Variants in MYO16 observed in about 807,000 individuals in gnomAD.
The protein encoded by MYO16 is unconventional myosin-XVI.
MYO16 carries 94 observed loss-of-function variants against 205.3 expected under a neutral mutation model. The ratio of observed to expected loss-of-function variants is 0.46; its 90% CI spans 0.39 to 0.54. The LOEUF (loss-of-function observed/expected upper bound fraction) is 0.54, where lower values mean the gene tolerates loss of function less well. Among genes scored for constraint, MYO16 ranks in the 20% least tolerant of loss-of-function variants. The pLI, the probability that MYO16 is intolerant of heterozygous loss-of-function variation, is 0.00. For missense variants in MYO16, 2,315 were observed against 2,387.5 expected (o/e 0.97, Z 0.63); for synonymous variants, 988 against 954.0 (o/e 1.04, Z -0.66).
intron 15 of MYO16, among the ~76,000 whole-genome samples, chr13:108,898,725 C>T (rs1452280087): frequency 1.3e-5 from 2 of 151,934 alleles, no homozygotes; most frequent in African/African-American, 2.4e-5. Context: ...GACACTGTTT[C>T]GTATTTGATT....
chr13:108,682,405 C>T (rs952501848), intron 2 of MYO16, among the ~76,000 whole-genome samples: 3 of 151,676 alleles, frequency 2.0e-5, no homozygotes, highest in Non-Finnish European at 4.4e-5. Flanking sequence ...ACTTCAATCA[C>T]GGGCTGCATG....
the MYO16 span, among the ~76,000 whole-genome samples, chr13:108,506,760 G>A: frequency 6.6e-6 from 1 of 152,108 alleles, no homozygotes; most frequent in East Asian, 1.9e-4. Flanking sequence ...CCTTGTTCCT[G>A]ATCTCAAAGA....
intron 16 of MYO16, among the ~76,000 whole-genome samples, chr13:108,951,314 G>GA (rs1161685399): frequency 2.0e-5 from 3 of 152,204 alleles, no homozygotes; most frequent in Non-Finnish European, 2.9e-5. Flanking sequence ...TAGGGAGACA[G>GA]AAAAAATGCC....
intron 27 of MYO16, among the ~76,000 whole-genome samples, chr13:109,077,060 C>T (rs1035022393): frequency 1.3e-5 from 2 of 149,208 alleles, no homozygotes; most frequent in Admixed American, 1.4e-4. Flanking sequence ...TGCTTTGTCA[C>T]CCAGGCTGAA....
chr13:109,050,935 C>G (rs945319840), intron 24 of MYO16, among the ~76,000 whole-genome samples: 1 of 151,878 alleles, frequency 6.6e-6, no homozygotes. Context: ...TACCTTGCCT[C>G]AAATCTAGAA....
In MYO16 at chr13:108,893,691, A is replaced by G. The variant is rs146601666; in HGVS notation, c.1660-4325A>G. ...TGCTGATTAGAGACACGGTTTAGCC[A>G]TATTTGGTTGTGAGACTGCATTCTG... On this transcript the variant is annotated intron_variant, in intron 14 of 34. Coordinates refer to ENST00000457511, the MANE Select transcript of MYO16 (RefSeq NM_001198950.3). Among the ~76,000 whole-genome samples, 313 of 152,270 alleles carry G rather than the reference A, an allele frequency of 2.1e-3. 2 individuals are homozygous for G. The highest frequency in any genetic ancestry group is 7.3e-3 in the African/African-American group (302 of 41,568).
intron 34 of MYO16, among the ~76,000 whole-genome samples, chr13:109,184,777 T>C (rs1005226705): frequency 2.0e-5 from 3 of 151,966 alleles, no homozygotes; most frequent in East Asian, 1.9e-4. Context: ...TTTTCTTTTT[T>C]TTTTTGAAAT....
intron 28 of MYO16, among the ~76,000 whole-genome samples, chr13:109,113,340 AAAG>A (rs1875500148): frequency 3.4e-5 from 3 of 88,696 alleles, no homozygotes; most frequent in Non-Finnish European, 7.4e-5. Context: ...GAAGGAAGGA[AAAG>A]AAGGAAGGAA....
In MYO16 at chr13:109,009,419, A is replaced by G. The variant is rs547090582; in HGVS notation, c.2595+370A>G. On this transcript the variant is annotated intron_variant, in intron 22 of 34. Transcript: ENST00000457511. Reference sequence around the variant, plus strand: ...CAAGTTCAATGGAATCTTTTTTGTTAATTTATCTTCAAAGTTTCTAAGATT... The same window carrying G: ...CAAGTTCAATGGAATCTTTTTTGTTGATTTATCTTCAAAGTTTCTAAGATT... 2.0e-5 allele frequency among the ~76,000 whole-genome samples: 3 copies of G among 152,250 alleles called. No individual in the cohort carries two copies. In the South Asian group the frequency reaches 6.2e-4, roughly 32 times the overall value.
the MYO16 span, among the ~76,000 whole-genome samples, chr13:108,519,265 T>G: frequency 6.6e-6 from 1 of 152,146 alleles, no homozygotes; most frequent in African/African-American, 2.4e-5. Flanking sequence ...ATTTGTAACA[T>G]GCCAATGATG....
chr13:108,910,936 T>C (rs940017446), intron 16 of MYO16, among the ~76,000 whole-genome samples: 1 of 151,978 alleles, frequency 6.6e-6, no homozygotes, highest in Non-Finnish European at 1.5e-5. Context: ...ATACCTGATT[T>C]ATGGCTTATT....
chr13:108,941,166 A>C (rs1882705177), intron 16 of MYO16, among the ~76,000 whole-genome samples: 1 of 152,142 alleles, frequency 6.6e-6, no homozygotes, highest in Non-Finnish European at 1.5e-5. Context: ...CCCAGGGAGA[A>C]GCTGCTCTGG....
chr13:108,534,680 C>T, the MYO16 span, among the ~76,000 whole-genome samples: 7 of 151,984 alleles, frequency 4.6e-5, no homozygotes, highest in South Asian at 4.2e-4. Flanking sequence ...TTTGTTGACT[C>T]TGTAGCCAAC....
intron 34 of MYO16, among the ~76,000 whole-genome samples, chr13:109,180,764 G>A (rs1879417927): frequency 6.6e-6 from 1 of 152,188 alleles, no homozygotes; most frequent in Non-Finnish European, 1.5e-5. Flanking sequence ...GAAAGAAAAT[G>A]CTGATTGGTT....
chr13:108,742,152 C>A (rs2139615858), intron 4 of MYO16, among the ~76,000 whole-genome samples: 1 of 152,126 alleles, frequency 6.6e-6, no homozygotes, highest in Non-Finnish European at 1.5e-5. Flanking sequence ...GTCACCACGC[C>A]CAGCTAGTTT....
At chr13:109,177,228 CGTGACCT>C (rs1879243079) in intron 33 of MYO16, among the ~76,000 whole-genome samples, 1 of 152,216 alleles carries the variant, frequency 6.6e-6, no homozygotes, top group African/African-American at 2.4e-5. Context: ...CCCTGTTCAA[CGTGACCT>C]GTACTCCTCT....
chr13:108,876,509 AT>A (rs1879333383), intron 12 of MYO16, among the ~76,000 whole-genome samples: 1 of 152,044 alleles, frequency 6.6e-6, no homozygotes, highest in Non-Finnish European at 1.5e-5. Flanking sequence ...CAACCTACTT[AT>A]TTTCGTAAGC....
At chr13:109,176,294 CTT>C (rs10569764) in intron 33 of MYO16, among the ~76,000 whole-genome samples, 152,049 of 152,082 alleles carry the variant, frequency 1, 76,008 homozygotes, top group Non-Finnish European at 1. Context: ...ATTTTCTAAA[CTT>C]TTATTCTTTG....
chr13:108,907,110 G>A (rs1881020939), intron 15 of MYO16, among the ~76,000 whole-genome samples: 1 of 152,186 alleles, frequency 6.6e-6, no homozygotes, highest in Admixed American at 6.5e-5. Context: ...CATGGTGAGA[G>A]TGGGTGTTGG....
Sources: gnomAD v4.1 joint callset for allele counts (sites outside exome capture counted in the v4.1 genomes callset) on GRCh38, gnomAD v4.1.1 for gene constraint, MANE v1.5 for transcripts, NCBI Gene and HGNC (gene_info 2026-07-23, HGNC 2026-07-21) for gene names.